The following GTF2A1L variants were observed in gnomAD, a reference collection of about 807,000 sequenced individuals.
GTF2A1L encodes the protein general transcription factor IIA subunit 1 like.
In GTF2A1L, 48 loss-of-function variants were observed where a neutral mutation model predicts 49.7. That is an observed-to-expected ratio of 0.97 (90% CI 0.77 to 1.23). The LOEUF (loss-of-function observed/expected upper bound fraction) is 1.23. Among genes scored for constraint, GTF2A1L ranks in the 50% most tolerant of loss-of-function variants. The pLI is 0.00. For synonymous variants in GTF2A1L, 246 were observed against 193.5 expected (o/e 1.27, Z -2.25); for missense variants, 736 against 564.8 (o/e 1.30, Z -3.07).
chr2:48,670,480 G>T (rs1679109101), intron 7 of GTF2A1L, among the ~76,000 whole-genome samples: 1 of 152,146 alleles, frequency 6.6e-6, no homozygotes, highest in African/African-American at 2.4e-5. Flanking sequence ...TTCTGTATTG[G>T]TCTTAACTAG....
intron 1 of GTF2A1L, among the ~76,000 whole-genome samples, chr2:48,620,156 A>G (rs914058683): frequency 1.3e-5 from 2 of 152,240 alleles, no homozygotes; most frequent in Admixed American, 6.5e-5. Flanking sequence ...TAAAGAGGTA[A>G]ATTGAAAACA....
intron 3 of GTF2A1L, among the ~76,000 whole-genome samples, chr2:48,634,071 G>A (rs1042190629): frequency 1.3e-5 from 2 of 151,990 alleles, no homozygotes; most frequent in Non-Finnish European, 2.9e-5. Context: ...CCTTTTTAGT[G>A]GAGTGTTTAG....
At chr2:48,637,011 C>G (rs1175934286) in intron 3 of GTF2A1L, among the ~76,000 whole-genome samples, 1 of 152,100 alleles carries the variant, frequency 6.6e-6, no homozygotes, top group Non-Finnish European at 1.5e-5. Flanking sequence ...CATTAAAACT[C>G]CTAAAGTATA....
chr2:48,620,499 G>T (rs1034325260), intron 1 of GTF2A1L, among the ~76,000 whole-genome samples: 1 of 152,256 alleles, frequency 6.6e-6, no homozygotes, highest in African/African-American at 2.4e-5. Flanking sequence ...ACTTTAACAG[G>T]CCGGGTGTGG....
rs758508930 is a variant in GTF2A1L, at chr2:48,647,033, A to G, written c.969A>G (p.Val323=). Residue 323 remains valine, a synonymous_variant, in exon 6 of 9, where the codon GTA becomes GTG. Coordinates refer to ENST00000403751, the MANE Select transcript of GTF2A1L (RefSeq NM_006872.5). ...TAGAGGAACCCAGCAACATACCTGT[A>G]TCAGAGAAGGTATAGTTCTGTGTCC... is the stretch of plus-strand genomic sequence containing the variant. ...RNIEEPSNIP[V]SEKDSNSQVD... is the part of the protein sequence containing the mutation. 21 of 1,605,268 alleles carry G rather than the reference A, an allele frequency of 1.3e-5. No individual in the cohort carries two copies. Among genetic ancestry groups the G allele is most frequent in the Non-Finnish European group, 1.7e-5 (20 of 1,176,050 alleles).
At chr2:48,669,662 A>G in intron 6 of GTF2A1L, 60 bp from the exon 7 acceptor site, 1 of 1,517,052 alleles carries the variant, frequency 6.6e-7, no homozygotes, top group South Asian at 1.4e-5. Context: ...TTAAATTTGG[A>G]TTCAATATTT....
At chr2:48,635,472 C>T (rs980356192) in intron 3 of GTF2A1L, among the ~76,000 whole-genome samples, 4 of 151,970 alleles carry the variant, frequency 2.6e-5, no homozygotes, top group South Asian at 4.2e-4. Context: ...CACTTCACCT[C>T]GATCCCAGGG....
At chr2:48,647,142 A>G (rs1293275453) in intron 6 of GTF2A1L, 100 bp downstream of exon 6, 9 of 1,117,574 alleles carry the variant, frequency 8.1e-6, no homozygotes, top group Non-Finnish European at 1.1e-5. Context: ...TCAGAATTAT[A>G]TATATTTTGT....
chr2:48,618,153 T>C, intron 1 of GTF2A1L: 1 of 495,216 alleles, frequency 2.0e-6, no homozygotes, highest in Non-Finnish European at 3.6e-6. Context: ...TGAGGCTATC[T>C]AGTTGGGGTG....
chr2:48,631,696 A>G (rs1676587747), intron 3 of GTF2A1L, among the ~76,000 whole-genome samples: 1 of 151,722 alleles, frequency 6.6e-6, no homozygotes, highest in Non-Finnish European at 1.5e-5. Context: ...ATTTCTTTTC[A>G]TCTGGCTCTA....
At chr2:48,650,300 T>G (rs1443862917) in intron 6 of GTF2A1L, among the ~76,000 whole-genome samples, 1 of 152,118 alleles carries the variant, frequency 6.6e-6, no homozygotes, top group African/African-American at 2.4e-5. Context: ...ATCAAATCAT[T>G]GGGCCATTAA....
At chr2:48,643,263 G>A (rs2104180002) in intron 4 of GTF2A1L, among the ~76,000 whole-genome samples, 1 of 152,264 alleles carries the variant, frequency 6.6e-6, no homozygotes, top group Non-Finnish European at 1.5e-5. Context: ...ACATTTACAA[G>A]TTAACATAGA....
intron 8 of GTF2A1L, among the ~76,000 whole-genome samples, chr2:48,673,918 T>C (rs1389576505): frequency 6.6e-6 from 1 of 152,170 alleles, no homozygotes; most frequent in East Asian, 1.9e-4. Flanking sequence ...AATCCTTTTA[T>C]GGCCTGGTTC....
chr2:48,644,303 G>A (rs180793446), intron 4 of GTF2A1L, among the ~76,000 whole-genome samples: 1 of 152,160 alleles, frequency 6.6e-6, no homozygotes, highest in African/African-American at 2.4e-5. Flanking sequence ...TTAGTTTTTA[G>A]GATAAAAAGT....
chr2:48,651,509 T>C (rs2104224612), intron 6 of GTF2A1L, among the ~76,000 whole-genome samples: 1 of 151,794 alleles, frequency 6.6e-6, no homozygotes, highest in East Asian at 1.9e-4. Context: ...TAAAATTTGG[T>C]ACTCTATACC....
chr2:48,646,490 A>G lies in GTF2A1L; in HGVS notation c.426A>G (p.Thr142=). Residue 142 remains threonine, a synonymous_variant, in exon 6 of 9, where the codon ACA becomes ACG. Coordinates refer to ENST00000403751, the MANE Select transcript of GTF2A1L (RefSeq NM_006872.5). ...AAGTCAATGTACCAATTATGGTGAC[A>G]GAGACTTCTGGAAGAGCAGGTATTC... ...LYKVNVPIMV[T]ETSGRAGILQ... 6.2e-7 allele frequency: 1 copy of G among 1,613,330 alleles called. No individual in the cohort carries two copies. Among genetic ancestry groups the G allele is most frequent in the South Asian group, 1.1e-5 (1 of 90,892 alleles).
chr2:48,621,265 G>C lies in GTF2A1L; in HGVS notation c.222G>C (p.Leu74Phe), dbSNP rs1675984423. 5 of 1,613,978 alleles carry C rather than the reference G, an allele frequency of 3.1e-6. No homozygotes were observed. The highest frequency in any genetic ancestry group is 4.2e-6 in the Non-Finnish European group (5 of 1,180,000). The part of the protein sequence containing the change: ...PLFTLQLPHS[L>F]HQTLQSSTAS... ...TTACTCTTCAGTTGCCGCACAGCTTGCACCAAACATTGCAATCGTCAACAG... is the reference window on the plus strand; with the variant it reads ...TTACTCTTCAGTTGCCGCACAGCTTCCACCAAACATTGCAATCGTCAACAG... The change falls in exon 3 of 9, where the codon TTG (leucine) becomes TTC (phenylalanine). Residue 74 changes from leucine to phenylalanine, a missense_variant. Leu to Phe is a conservative substitution (Grantham distance 22). Transcript: ENST00000403751.
intron 3 of GTF2A1L, among the ~76,000 whole-genome samples, chr2:48,642,056 T>C (rs188526429): frequency 2.3e-3 from 346 of 152,336 alleles, no homozygotes; most frequent in African/African-American, 8.0e-3. Flanking sequence ...TGCTCAATAT[T>C]ATAGTCTCAC....
At chr2:48,664,826 TC>T (rs1017330359) in intron 6 of GTF2A1L, among the ~76,000 whole-genome samples, 2 of 152,192 alleles carry the variant, frequency 1.3e-5, no homozygotes, top group African/African-American at 4.8e-5. Flanking sequence ...CTATGTAACA[TC>T]CCTTCTTTAA....
Sources: allele counts gnomAD v4.1 joint callset (sites outside exome capture counted in the v4.1 genomes callset), GRCh38; gene constraint gnomAD v4.1.1; transcripts MANE v1.5; gene names NCBI Gene and HGNC (gene_info 2026-07-23, HGNC 2026-07-21).